PODNL1: variants seen among roughly 807,000 people sequenced by gnomAD.
The protein encoded by PODNL1 is podocan-like protein 1.
A neutral mutation model predicts 45.1 loss-of-function variants in PODNL1; 50 were observed. The ratio of observed to expected loss-of-function variants is 1.11; its 90% CI spans 0.88 to 1.40. PODNL1 has a LOEUF of 1.40. PODNL1 is among the 40% of genes most tolerant of loss of function. PODNL1 has a pLI of 0.00. For synonymous variants in PODNL1, 406 were observed against 372.5 expected, an observed-to-expected ratio of 1.09 and a Z score of -1.04; for missense variants, 788 against 793.3, an observed-to-expected ratio of 0.99 and a Z score of 0.08.
chr19:13,951,788 G>A (rs919730772), intron 1 of PODNL1, among the ~76,000 whole-genome samples: 3 of 152,168 alleles, frequency 2.0e-5, no homozygotes, highest in African/African-American at 7.2e-5. Flanking sequence ...TAAAATAAAT[G>A]AGGTAATGTA....
chr19:13,933,200 C>G lies in PODNL1; in HGVS notation c.1023G>C (p.Gly341=). 6.5e-7 allele frequency: 1 copy of G among 1,536,928 alleles called. No individual in the cohort carries two copies. ...GCAGGGCTGGAGGCACGCGGTCCAG[C>G]CCATTGCCATAGAGGTGCAGCGTGT... The part of the protein sequence containing the change: ...GLHTLHLYGN[G]LDRVPPALPR... The change falls in exon 8 of 10, where the codon GGG becomes GGC. Residue 341 remains glycine (G), a synonymous_variant. Transcript: ENST00000588872. This position sits in a 1 kb window ranked among gnomAD's most constrained non-coding sequence, Gnocchi z 5.2.
rs747693824 is a variant in PODNL1 at position 13,933,019 on chromosome 19, C to T, written c.1204G>A (p.Ala402Thr). Residue 402 changes from alanine (A) to threonine (T), a missense_variant, in exon 8 of 10, where the codon GCC (alanine) becomes ACC (threonine). Ala to Thr is a moderately conservative substitution (Grantham distance 58). Coordinates refer to ENST00000588872, the MANE Select transcript of PODNL1 (RefSeq NM_001370095.3). This position sits in a 1 kb window ranked among gnomAD's most constrained non-coding sequence, Gnocchi z 5.2. ...CCTGCCAGGTCGAGGCTGCGCAGGG[C>T]ACGCAACCGGCGGAAGGCCCGGTGG... ...VHHRAFRRLR[A>T]LRSLDLAGNQ... The T allele has an allele frequency of 9.7e-6, 15 of 1,539,654 alleles. No individual in the cohort carries two copies. Among genetic ancestry groups the T allele is most frequent in the Non-Finnish European group, 1.3e-5 (15 of 1,148,338 alleles).
At position 13,934,388 on chromosome 19, in the gene PODNL1, GGTT is replaced by G; in HGVS notation, c.514_516del (p.Asn172del). 2 of 1,547,008 alleles carry G rather than the reference GGTT, an allele frequency of 1.3e-6. No homozygotes were observed. The highest frequency in any genetic ancestry group is 2.0e-5 in the Admixed American group (1 of 48,784). On this transcript the variant is annotated inframe_deletion, in exon 6 of 10. Transcript: ENST00000588872. ...GGGGGCAGGCCAGCGTTGCTCAGCT[GGTT>G]GTTGTGGAGGTACACGGACCTGAGG... is the stretch of plus-strand genomic sequence containing the variant.
At position 13,947,396 on chromosome 19, in the gene PODNL1, A is replaced by G. The variant is rs60950472; in HGVS notation, c.18+5723T>C. Reference sequence around the variant, plus strand: ...TTTGGGAGGCTGACGCAGGAGAATCACTTGAACCCGGGAGACGGAGGTTGC... The same window carrying G: ...TTTGGGAGGCTGACGCAGGAGAATCGCTTGAACCCGGGAGACGGAGGTTGC... On this transcript the variant is annotated intron_variant, in intron 1 of 7. Transcript: ENST00000538371. Among the ~76,000 whole-genome samples, 1,096 of 150,756 alleles carry G rather than the reference A, an allele frequency of 7.3e-3. 12 individuals are homozygous for G. Among genetic ancestry groups the G allele is most frequent in the Middle Eastern group, 0.027 (8 of 294 alleles).
Position 13,931,452 on chromosome 19 carries a change from G to A in PODNL1, c.*285C>T, listed in dbSNP as rs1372424332. ...GAGTCCGTGGACAGAGCCCCCAAAG[G>A]GTGCCTGGTCCGTGCTGAGTGCTGG... is the stretch of plus-strand genomic sequence containing the variant. On this transcript the variant is annotated 3_prime_UTR_variant, in exon 10 of 10. Transcript: ENST00000588872. 1 of 343,896 alleles carries A rather than the reference G, an allele frequency of 2.9e-6. No individual in the cohort carries two copies. The highest frequency in any genetic ancestry group is 2.1e-5 in the African/African-American group (1 of 47,544). The allele number at this position is 343,896 out of a possible 1,614,324, so 21.3% of individuals were successfully genotyped here.
intron 1 of PODNL1, among the ~76,000 whole-genome samples, chr19:13,950,672 G>A (rs187899710): frequency 1.1e-4 from 16 of 152,310 alleles, no homozygotes; most frequent in African/African-American, 3.4e-4. Flanking sequence ...TAGCTGCCAG[G>A]TGTCCCCACT....
intron 1 of PODNL1, among the ~76,000 whole-genome samples, chr19:13,948,985 A>G (rs1159730505): frequency 2.0e-5 from 3 of 150,054 alleles, no homozygotes; most frequent in African/African-American, 7.3e-5. Context: ...TTAAAAACTT[A>G]GAGTTTATTT....
intron 3 of PODNL1, 143 bp from the exon 4 acceptor site, chr19:13,936,187 A>T: frequency 1.1e-6 from 1 of 931,008 alleles, no homozygotes; most frequent in Non-Finnish European, 1.6e-6. Context: ...CCCCATCCCT[A>T]CTCAAAAGCC....
chr19:13,940,570 CAAAA>C (rs759568554), upstream of PODNL1, among the ~76,000 whole-genome samples: 3 of 83,206 alleles, frequency 3.6e-5, no homozygotes, highest in Admixed American at 3.1e-4. Context: ...GACTCCGTCT[CAAAA>C]AAAAAAAAAA....
rs116634264 is a variant in PODNL1 at position 13,950,766 on chromosome 19, C to T, written c.18+2353G>A. Among the ~76,000 whole-genome samples the T allele has an allele frequency of 6.5e-3, 992 of 152,150 alleles. 15 individuals carry two copies. Among genetic ancestry groups the T allele is most frequent in the African/African-American group, 0.023 (958 of 41,508 alleles). ...TTGGCTAAAGATACATTGTGATGGC[C>T]GGGCGCAGTGGCTCACGCCTGTAAT... is the stretch of plus-strand genomic sequence containing the variant. On this transcript the variant is annotated intron_variant, in intron 1 of 7. Coordinates refer to the PODNL1 transcript ENST00000538371.
Position 13,931,373 on chromosome 19 carries a change from A to G in PODNL1, c.*364T>C. 1 of 218,844 alleles carries G rather than the reference A, an allele frequency of 4.6e-6. No homozygotes were observed. The highest frequency in any genetic ancestry group is 8.9e-6 in the Non-Finnish European group (1 of 112,108). The allele number at this position is 218,844 out of a possible 1,614,324, so 13.6% of individuals were successfully genotyped here. On this transcript the variant is annotated 3_prime_UTR_variant, in exon 10 of 10. Coordinates refer to ENST00000588872, the MANE Select transcript of PODNL1 (RefSeq NM_001370095.3). ...CTCAAGACCTCAAAATTCAGTCCTG[A>G]CCCACTTAGCATCCCAGAGCCTCAG...
chr19:13,933,242 C>T lies in PODNL1; in HGVS notation c.981G>A (p.Arg327=). ...GCAGCGTGTGCAGGCCCCGCAGCGG[C>T]CGCAGAGCCCCGGCGGGCAGCCCTG... ...GSSGLPAGAL[R]PLRGLHTLHL... The change falls in exon 8 of 10, where the codon CGG becomes CGA. Residue 327 remains arginine, a synonymous_variant. Transcript: ENST00000588872. This position sits in a 1 kb window ranked among gnomAD's most constrained non-coding sequence, Gnocchi z 5.2. 6.5e-7 allele frequency: 1 copy of T among 1,545,316 alleles called. No individual in the cohort carries two copies. Among genetic ancestry groups the T allele is most frequent in the African/African-American group, 1.4e-5 (1 of 73,690 alleles).
At chr19:13,950,111 G>T (rs534126131) in intron 1 of PODNL1, among the ~76,000 whole-genome samples, 1 of 151,156 alleles carries the variant, frequency 6.6e-6, no homozygotes. Context: ...CTTGTGATCT[G>T]CCCACCTCAG....
rs1206453729 is a variant in PODNL1, at chr19:13,937,953, G to A, written c.57C>T (p.Gly19=). The A allele has an allele frequency of 1.3e-6, 2 of 1,543,956 alleles. No homozygotes were observed. Among genetic ancestry groups the A allele is most frequent in the Non-Finnish European group, 1.8e-6 (2 of 1,141,740 alleles). ...GGTGGGGGAAGGCAGCGTCTTCCAA[G>A]CCGGCGACGGGCGGGGGCCCCGGCA... ...LLLPGPPPVA[G]LEDAAFPHLG... is the part of the protein sequence containing the mutation. The change falls in exon 2 of 10, where the codon GGC becomes GGT. Residue 19 remains glycine (G), a synonymous_variant. Coordinates refer to ENST00000588872, the MANE Select transcript of PODNL1 (RefSeq NM_001370095.3).
chr19:13,944,286 C>T (rs1227730755), intron 1 of PODNL1, among the ~76,000 whole-genome samples: 7 of 151,800 alleles, frequency 4.6e-5, no homozygotes, highest in South Asian at 2.1e-4. Context: ...CTCAGCCTCC[C>T]GGGTAGCTGG....
chr19:13,946,847 TC>T (rs1428952458), intron 1 of PODNL1, among the ~76,000 whole-genome samples: 1 of 151,164 alleles, frequency 6.6e-6, no homozygotes, highest in Non-Finnish European at 1.5e-5. Context: ...GGTCAGGAGA[TC>T]AAGACCATCC....
chr19:13,944,770 T>TG (rs959290680), intron 1 of PODNL1, among the ~76,000 whole-genome samples: 36 of 151,310 alleles, frequency 2.4e-4, no homozygotes, highest in African/African-American at 3.9e-4. Flanking sequence ...GGGGTTTTTT[T>TG]TTTGTTTGTT....
chr19:13,933,858 G>C lies in PODNL1; in HGVS notation c.767+20C>G, dbSNP rs1599427009. 6.4e-7 allele frequency: 1 copy of C among 1,572,038 alleles called. No homozygotes were observed. Among genetic ancestry groups the C allele is most frequent in the Non-Finnish European group, 8.6e-7 (1 of 1,157,138 alleles). On this transcript the variant is annotated intron_variant, in intron 7 of 9. Coordinates refer to ENST00000588872, the MANE Select transcript of PODNL1 (RefSeq NM_001370095.3). The surrounding 1 kb of genome is among the most constrained non-coding windows in gnomAD (Gnocchi z 5.2). ...CGACTGTAAATTCTCAGCCCCTGCT[G>C]CCCCCCAACCAGCCTGTACCTGAAG...
At chr19:13,932,213 C>G in intron 8 of PODNL1, 101 bp from the exon 9 acceptor site, 4 of 1,230,384 alleles carry the variant, frequency 3.3e-6, no homozygotes, top group Non-Finnish European at 4.1e-6. Context: ...CCCCTTCATA[C>G]CAGCCTGGCC....
Sources: allele counts gnomAD v4.1 joint callset (sites outside exome capture counted in the v4.1 genomes callset), GRCh38; gene constraint gnomAD v4.1.1; non-coding constraint Gnocchi (gnomAD v3.1); transcripts MANE v1.5; gene names NCBI Gene and HGNC (gene_info 2026-07-23, HGNC 2026-07-21).